Variants in SEC24D observed in about 807,000 individuals in gnomAD.
SEC24D encodes protein transport protein Sec24D.
In SEC24D, 69 loss-of-function variants were observed where a neutral mutation model predicts 116.9. The observed-to-expected ratio is 0.59, with a 90% CI of 0.49 to 0.72. SEC24D has a LOEUF of 0.72. SEC24D is among the 30% of genes least tolerant of loss of function. The pLI is 0.00. For synonymous variants in SEC24D, 405 were observed against 442.8 expected, an observed-to-expected ratio of 0.91 and a Z score of 1.07; for missense variants, 1,131 against 1,264.1, an observed-to-expected ratio of 0.89 and a Z score of 1.60.
chr4:118,815,377 G>C, intron 5 of SEC24D, 74 bp downstream of exon 5: 1 of 1,545,752 alleles, frequency 6.5e-7, no homozygotes, highest in Non-Finnish European at 8.9e-7. Context: ...TAGTAACATA[G>C]GAACAAAGCT....
intron 15 of SEC24D, among the ~76,000 whole-genome samples, chr4:118,743,462 T>C (rs1428080835): frequency 4.6e-5 from 7 of 152,138 alleles, no homozygotes; most frequent in Admixed American, 4.6e-4. Flanking sequence ...GTCCCTGACA[T>C]AAAATGGCAT....
intron 2 of SEC24D, among the ~76,000 whole-genome samples, chr4:118,832,452 G>C (rs1730901439): frequency 6.6e-6 from 1 of 152,174 alleles, no homozygotes; most frequent in African/African-American, 2.4e-5. Context: ...TGGAGGGAAG[G>C]AGAGGTAAAG....
At position 118,726,929 on chromosome 4, in the gene SEC24D, C is replaced by T. The variant is rs146517439; in HGVS notation, c.2958+1632G>A. Reference sequence around the variant, plus strand: ...ATCCTTCCATACCAACTCTTTTCTCCTACCTAATCTTAACCCTTTAAAAGT... The same window carrying T: ...ATCCTTCCATACCAACTCTTTTCTCTTACCTAATCTTAACCCTTTAAAAGT... On this transcript the variant is annotated intron_variant, in intron 22 of 22. Transcript: ENST00000280551. Among the ~76,000 whole-genome samples, 570 of 152,330 alleles carry T rather than the reference C, an allele frequency of 3.7e-3. 16 individuals are homozygous for T. Among genetic ancestry groups the T allele is most frequent in the Admixed American group, 0.036 (550 of 15,300 alleles).
At position 118,757,997 on chromosome 4, in the gene SEC24D, T is replaced by C. The variant is rs576716424; in HGVS notation, c.1297-152A>G. On this transcript the variant is annotated intron_variant, in intron 10 of 22. Coordinates refer to ENST00000280551, the MANE Select transcript of SEC24D (RefSeq NM_014822.4). Reference sequence around the variant, plus strand: ...AATTAAATCATTTTTCCAGAATATCTAGAGCATCTGGTTTCAGATGCTATT... The same window carrying C: ...AATTAAATCATTTTTCCAGAATATCCAGAGCATCTGGTTTCAGATGCTATT... The C allele has an allele frequency of 1.4e-5, 9 of 632,056 alleles. No individual in the cohort carries two copies. In the African/African-American group the frequency reaches 1.5e-4, roughly 11 times the overall value. 39.2% of individuals were successfully genotyped at this position (632,056 alleles called of 1,614,324 possible). A position where few individuals can be genotyped will look rare whatever the true frequency, so the allele number is the denominator to read the frequency against.
At chr4:118,801,253 C>A (rs1178635744) in intron 7 of SEC24D, among the ~76,000 whole-genome samples, 1 of 148,926 alleles carries the variant, frequency 6.7e-6, no homozygotes, top group African/African-American at 2.5e-5. Context: ...CAGAGCAAGA[C>A]TCCATCTCAA....
chr4:118,767,715 G>A (rs562657626), intron 9 of SEC24D, among the ~76,000 whole-genome samples: 6 of 151,570 alleles, frequency 4.0e-5, no homozygotes, highest in Non-Finnish European at 8.8e-5. Context: ...CATTTACATC[G>A]GAGTGAAAAA....
intron 19 of SEC24D, 174 bp downstream of exon 19, chr4:118,738,087 T>C: frequency 1.9e-6 from 1 of 523,606 alleles, no homozygotes. Context: ...AAATGTTGGC[T>C]ATAAAAAAAA....
At chr4:118,816,128 G>C (rs553812319) in intron 4 of SEC24D, among the ~76,000 whole-genome samples, 1 of 137,118 alleles carries the variant, frequency 7.3e-6, no homozygotes, top group South Asian at 2.3e-4. Flanking sequence ...GGGGTCTCGT[G>C]ATATTGCTCA....
At chr4:118,733,461 T>A (rs957825322) in intron 19 of SEC24D, 1 of 152,140 alleles carries the variant, frequency 6.6e-6, no homozygotes, top group Non-Finnish European at 1.5e-5. Flanking sequence ...CAACAGGATA[T>A]CTCTTCCGTT....
intron 8 of SEC24D, among the ~76,000 whole-genome samples, chr4:118,790,802 A>C (rs1236969439): frequency 1.3e-5 from 2 of 151,088 alleles, no homozygotes; most frequent in Non-Finnish European, 2.9e-5. Context: ...AATTTTAAAA[A>C]ACACTGTACT....
At chr4:118,742,598 A>G (rs903830613) in intron 15 of SEC24D, among the ~76,000 whole-genome samples, 1 of 152,170 alleles carries the variant, frequency 6.6e-6, no homozygotes, top group Non-Finnish European at 1.5e-5. Context: ...TTTCAATTTT[A>G]TTTCATTTAC....
intron 7 of SEC24D, among the ~76,000 whole-genome samples, chr4:118,800,344 C>T (rs1162072548): frequency 6.6e-6 from 1 of 151,944 alleles, no homozygotes; most frequent in Non-Finnish European, 1.5e-5. Flanking sequence ...GGTTGTGAGC[C>T]TCTCTCTGGC....
In SEC24D at chr4:118,723,304, G is replaced by C. The variant is rs1048234041; in HGVS notation, c.*211C>G. 2.2e-6 allele frequency: 1 copy of C among 458,738 alleles called. No individual in the cohort carries two copies. The highest frequency in any genetic ancestry group is 3.8e-6 in the Non-Finnish European group (1 of 263,156). 28.4% of individuals were successfully genotyped at this position (458,738 alleles called of 1,614,324 possible). A position where few individuals can be genotyped will look rare whatever the true frequency, so the allele number is the denominator to read the frequency against. On this transcript the variant is annotated 3_prime_UTR_variant, in exon 23 of 23. Transcript: ENST00000280551. Reference sequence around the variant, plus strand: ...TTAAAAATTAGAAACTGTGCAATCAGAAACAGATTGTTCCCTTTATGGTAC... The same window carrying C: ...TTAAAAATTAGAAACTGTGCAATCACAAACAGATTGTTCCCTTTATGGTAC...
At chr4:118,754,475 G>A (rs1043451793) in intron 11 of SEC24D, among the ~76,000 whole-genome samples, 2 of 151,984 alleles carry the variant, frequency 1.3e-5, no homozygotes, top group African/African-American at 2.4e-5. Context: ...ATTCTCATTG[G>A]GCTCTTAGCA....
intron 13 of SEC24D, among the ~76,000 whole-genome samples, chr4:118,748,288 C>A (rs940526370): frequency 6.6e-6 from 1 of 151,184 alleles, no homozygotes; most frequent in South Asian, 2.1e-4. Flanking sequence ...AAATTACCTA[C>A]AGTAAAACTC....
In SEC24D at chr4:118,732,847, T is replaced by C. The variant is rs2110432098; in HGVS notation, c.2562A>G (p.Val854=). Residue 854 remains valine, a synonymous_variant, in exon 20 of 23, where the codon GTA becomes GTG. Transcript: ENST00000280551. Reference sequence around the variant, plus strand: ...TTGAGATCTCTGGTCTGCTGAGTAGTACACAGTTTTTCAACAAGCAATTCA... The same window carrying C: ...TTGAGATCTCTGGTCTGCTGAGTAGCACACAGTTTTTCAACAAGCAATTCA... ...VYMNCLLKNC[V]LLSRPEISTD... is the part of the protein sequence containing the mutation. 2 of 1,614,066 alleles carry C rather than the reference T, an allele frequency of 1.2e-6. No homozygotes were observed. The highest frequency in any genetic ancestry group is 1.7e-6 in the Non-Finnish European group (2 of 1,179,910).
At chr4:118,817,529 A>G (rs1730203426) in intron 3 of SEC24D, 117 bp from the exon 4 acceptor site, 1 of 745,042 alleles carries the variant, frequency 1.3e-6, no homozygotes, top group Non-Finnish European at 2.1e-6. Context: ...TAGGAAAATG[A>G]CTGATATTAT....
chr4:118,739,025 C>A lies in SEC24D; in HGVS notation c.2377+124G>T, dbSNP rs1304248990. The A allele has an allele frequency of 3.5e-6, 3 of 862,288 alleles. No homozygotes were observed. The South Asian group carries it at 4.4e-5, about 13-fold the overall frequency. 53.4% of individuals were successfully genotyped at this position (862,288 alleles called of 1,614,324 possible). A position where few individuals can be genotyped will look rare whatever the true frequency, so the allele number is the denominator to read the frequency against. ...GCTGACTATTCTCTCTCAGCCTTTG[C>A]TTTTATTAGTTCTGAATTTACCCAC... On this transcript the variant is annotated intron_variant, in intron 18 of 22. Transcript: ENST00000280551.
At chr4:118,773,887 G>A (rs1016476802) in intron 8 of SEC24D, among the ~76,000 whole-genome samples, 1 of 152,120 alleles carries the variant, frequency 6.6e-6, no homozygotes, top group Admixed American at 6.5e-5. Context: ...CCGTACAAGT[G>A]CTTTTTAGAG....
Sources: allele counts gnomAD v4.1 joint callset (sites outside exome capture counted in the v4.1 genomes callset), GRCh38; gene constraint gnomAD v4.1.1; transcripts MANE v1.5; gene names NCBI Gene and HGNC (gene_info 2026-07-23, HGNC 2026-07-21).